The following SESN1 variants were observed in gnomAD, a reference collection of about 807,000 sequenced individuals.
SESN1 encodes the protein sestrin-1.
Under a neutral mutation model 59.3 loss-of-function variants are expected in SESN1, and 30 were observed. That is an observed-to-expected ratio of 0.51 (90% CI 0.38 to 0.69). The LOEUF is 0.69. Among genes scored for constraint, SESN1 ranks in the 30% least tolerant of loss-of-function variants. The pLI is 0.00. For synonymous variants in SESN1, 197 were observed against 219.9 expected (o/e 0.90, Z 0.92); for missense variants, 566 against 673.0 (o/e 0.84, Z 1.76).
chr6:109,093,467 A>C (rs1367703092), intron 1 of SESN1, among the ~76,000 whole-genome samples: 1 of 152,198 alleles, frequency 6.6e-6, no homozygotes, highest in Non-Finnish European at 1.5e-5. Context: ...GAGGCTTTTA[A>C]ATGTGAGCCT....
chr6:109,003,860 C>A (rs1017688340), intron 1 of SESN1, among the ~76,000 whole-genome samples: 1 of 152,118 alleles, frequency 6.6e-6, no homozygotes, highest in African/African-American at 2.4e-5. Context: ...TGAAACAATA[C>A]CTATTGGACA....
chr6:109,073,672 T>C (rs981820557), intron 1 of SESN1, among the ~76,000 whole-genome samples: 3 of 152,194 alleles, frequency 2.0e-5, no homozygotes, highest in Non-Finnish European at 2.9e-5. Context: ...AAAATATTCT[T>C]CATTAACAGC....
chr6:109,021,982 T>C (rs538123129), intron 1 of SESN1, among the ~76,000 whole-genome samples: 1 of 152,324 alleles, frequency 6.6e-6, no homozygotes, highest in African/African-American at 2.4e-5. Context: ...TATATGTGGA[T>C]ATACTAGTCT....
chr6:109,001,131 G>C (rs144275800), intron 3 of SESN1, among the ~76,000 whole-genome samples, 157 bp downstream of exon 3: 1 of 152,030 alleles, frequency 6.6e-6, no homozygotes, highest in African/African-American at 2.4e-5. Flanking sequence ...ACTTGAGAGC[G>C]TACTTATTTA....
At chr6:109,074,202 C>T (rs1348962809) in intron 1 of SESN1, among the ~76,000 whole-genome samples, 1 of 152,104 alleles carries the variant, frequency 6.6e-6, no homozygotes, top group Admixed American at 6.6e-5. Context: ...TAAGTACATT[C>T]TATGATGTTT....
chr6:109,077,482 G>C (rs1781050489), intron 1 of SESN1, among the ~76,000 whole-genome samples: 1 of 152,180 alleles, frequency 6.6e-6, no homozygotes, highest in African/African-American at 2.4e-5. Context: ...TGAGACTTCA[G>C]ACAAAGTGCA....
intron 1 of SESN1, among the ~76,000 whole-genome samples, chr6:109,073,286 T>C (rs1780970095): frequency 6.6e-6 from 1 of 152,216 alleles, no homozygotes; most frequent in East Asian, 1.9e-4. Flanking sequence ...CTTTAGTGCA[T>C]ATGAGTACCT....
chr6:109,045,251 C>T (rs1780409706), intron 1 of SESN1, among the ~76,000 whole-genome samples: 2 of 152,014 alleles, frequency 1.3e-5, no homozygotes, highest in South Asian at 2.1e-4. Flanking sequence ...TATCCTCAAC[C>T]TCACTCCCAA....
At chr6:108,991,344 C>T (rs1159593891) in intron 7 of SESN1, among the ~76,000 whole-genome samples, 3 of 152,118 alleles carry the variant, frequency 2.0e-5, no homozygotes, top group East Asian at 1.9e-4. Context: ...TGGGCTCAAG[C>T]GATCCTCCCT....
In SESN1 at chr6:109,094,500, G is replaced by A. The variant is rs143042828; in HGVS notation, c.-427C>T. The A allele has an allele frequency of 6.3e-3, 996 of 158,150 alleles. 14 individuals carry two copies. Among genetic ancestry groups the A allele is most frequent in the African/African-American group, 0.023 (945 of 41,664 alleles). 9.8% of individuals were successfully genotyped at this position (158,150 alleles called of 1,614,324 possible). On this transcript the variant is annotated 5_prime_UTR_variant, in exon 1 of 10. Coordinates refer to ENST00000436639, the MANE Select transcript of SESN1 (RefSeq NM_014454.3). ...GGGCTTTTTTGTCTGTGCAGCCACC[G>A]GGTTCTCTCCGGCGTTCCCACCCCG... is the stretch of plus-strand genomic sequence containing the variant.
At chr6:109,057,399 T>C (rs1780649062) in intron 1 of SESN1, among the ~76,000 whole-genome samples, 1 of 152,190 alleles carries the variant, frequency 6.6e-6, no homozygotes, top group South Asian at 2.1e-4. Flanking sequence ...TAGTTGAACA[T>C]CACACCGGCT....
intron 1 of SESN1, among the ~76,000 whole-genome samples, chr6:109,049,520 A>G (rs1229877834): frequency 6.6e-6 from 1 of 152,098 alleles, no homozygotes; most frequent in African/African-American, 2.4e-5. Flanking sequence ...AAACAGCTAG[A>G]AGAGAGGAAA....
chr6:109,058,226 A>G (rs1313936244), intron 1 of SESN1, among the ~76,000 whole-genome samples: 1 of 152,150 alleles, frequency 6.6e-6, no homozygotes, highest in Non-Finnish European at 1.5e-5. Flanking sequence ...CTGGACCTAC[A>G]GGCACACACC....
chr6:109,019,870 C>T (rs1464064961), intron 1 of SESN1, among the ~76,000 whole-genome samples: 2 of 152,154 alleles, frequency 1.3e-5, no homozygotes, highest in Non-Finnish European at 1.5e-5. Flanking sequence ...AATTAAACTA[C>T]AGTACTTTAG....
chr6:109,023,402 C>G lies in SESN1; in HGVS notation c.280-21059G>C, dbSNP rs71558338. On this transcript the variant is annotated intron_variant, in intron 1 of 9. Coordinates refer to ENST00000436639, the MANE Select transcript of SESN1 (RefSeq NM_014454.3). ...ATAAGGAAAATCTTCTACCACTTGA[C>G]AGTTTACCATGCTAACAGTGACTGT... Among the ~76,000 whole-genome samples the G allele has an allele frequency of 8.8e-3, 1,346 of 152,326 alleles. 8 individuals are homozygous for G. The highest frequency in any genetic ancestry group is 0.015 in the Non-Finnish European group (1,017 of 68,032).
At chr6:109,007,720 T>C (rs1276858651) in intron 1 of SESN1, among the ~76,000 whole-genome samples, 1 of 149,978 alleles carries the variant, frequency 6.7e-6, no homozygotes, top group Non-Finnish European at 1.5e-5. Flanking sequence ...CAAAATGTAC[T>C]AACAATTATG....
At chr6:109,076,883 A>T (rs557755050) in intron 1 of SESN1, among the ~76,000 whole-genome samples, 1 of 152,310 alleles carries the variant, frequency 6.6e-6, no homozygotes, top group South Asian at 2.1e-4. Context: ...ATATATTCTG[A>T]GAAATGTGTT....
intron 1 of SESN1, among the ~76,000 whole-genome samples, chr6:109,003,121 C>T (rs1473411996): frequency 6.6e-6 from 1 of 151,992 alleles, no homozygotes; most frequent in Non-Finnish European, 1.5e-5. Flanking sequence ...CCTCACCCTC[C>T]CCATATAGTG....
At chr6:109,059,668 A>T (rs916736577) in intron 1 of SESN1, 1 of 151,998 alleles carries the variant, frequency 6.6e-6, no homozygotes, top group African/African-American at 2.4e-5. Flanking sequence ...CCCACACAGT[A>T]CTCCTTACAT....
Sources: gnomAD v4.1 joint callset for allele counts (sites outside exome capture counted in the v4.1 genomes callset) on GRCh38, gnomAD v4.1.1 for gene constraint, MANE v1.5 for transcripts, NCBI Gene and HGNC (gene_info 2026-07-23, HGNC 2026-07-21) for gene names.